PDE6B: variants seen among roughly 807,000 people sequenced by gnomAD.
The protein encoded by PDE6B is rod cGMP-specific 3',5'-cyclic phosphodiesterase subunit beta.
Under a neutral mutation model 109.0 loss-of-function variants are expected in PDE6B, and 106 were observed. The ratio of observed to expected loss-of-function variants is 0.97; its 90% confidence interval spans 0.83 to 1.14. PDE6B has a LOEUF of 1.14. Ranked by LOEUF, PDE6B falls within the 50% of genes most tolerant of loss-of-function variation. PDE6B has a pLI of 0.00. For synonymous variants in PDE6B, 490 were observed against 471.3 expected (o/e 1.04, Z -0.51); for missense variants, 1,193 against 1,155.6 (o/e 1.03, Z -0.47).
chr4:667,129 G>A (rs1034949946), intron 20 of PDE6B, among the ~76,000 whole-genome samples: 6 of 152,228 alleles, frequency 3.9e-5, no homozygotes, highest in Admixed American at 2.6e-4. Context: ...GACGCAAGGC[G>A]GACATGGAGG....
rs541164916 is a variant in PDE6B, at chr4:663,432, G to T, written c.1920+245G>T. Among the ~76,000 whole-genome samples, 1 of 152,188 alleles carries T rather than the reference G, an allele frequency of 6.6e-6. No individual in the cohort carries two copies. The highest frequency in any genetic ancestry group is 1.5e-5 in the Non-Finnish European group (1 of 68,028). ...CCCCTCATGGGGTGGGGTGGAAGCC[G>T]AAGGGGAAGCGGCCCGGGACCCACC... On this transcript the variant is annotated intron_variant, in intron 15 of 21. Transcript: ENST00000496514. This position sits in a 1 kb window ranked among gnomAD's most constrained non-coding sequence, Gnocchi z 4.0.
intron 9 of PDE6B, 101 bp from the exon 10 acceptor site, chr4:657,250 C>T: frequency 2.2e-6 from 3 of 1,376,420 alleles, no homozygotes; most frequent in Middle Eastern, 2.3e-4. Context: ...ATGGTGGCAG[C>T]CCCAGGACCT....
Position 634,782 on chromosome 4 carries a change from G to A in PDE6B, c.574G>A (p.Ala192Thr), listed in dbSNP as rs368548274. 48 of 1,613,840 alleles carry A rather than the reference G, an allele frequency of 3.0e-5. No individual in the cohort carries two copies. Among genetic ancestry groups the A allele is most frequent in the Non-Finnish European group, 3.8e-5 (45 of 1,179,854 alleles). Residue 192 changes from alanine (A) to threonine (T), a missense_variant, in exon 2 of 22, where the codon GCA (alanine) becomes ACA (threonine). Ala to Thr is a moderately conservative substitution (Grantham distance 58, BLOSUM62 0). Coordinates refer to ENST00000496514, the MANE Select transcript of PDE6B (RefSeq NM_000283.4). ...NGKDVVAVIM[A>T]VNKLNGPFFT... is the part of the protein sequence containing the mutation. ...CAAAGACGTCGTGGCGGTGATCATG[G>A]CAGTGAACAAGCTCAACGGCCCATT... is the stretch of plus-strand genomic sequence containing the variant.
At chr4:654,726 C>T (rs373668949) in intron 5 of PDE6B, 98 bp from the exon 6 acceptor site, 35 of 798,174 alleles carry the variant, frequency 4.4e-5, no homozygotes, top group Middle Eastern at 4.5e-4. Context: ...GGTGTGCATG[C>T]GTGTGGCTGT....
At chr4:669,900 C>T (rs1436459479) in intron 21 of PDE6B, 146 bp from the exon 22 acceptor site, 6 of 737,290 alleles carry the variant, frequency 8.1e-6, no homozygotes, top group Non-Finnish European at 1.5e-5. Context: ...AAGGCTCAGC[C>T]CAGCTAATCG....
At chr4:658,438 G>GAT in intron 10 of PDE6B, among the ~76,000 whole-genome samples, 1 of 151,176 alleles carries the variant, frequency 6.6e-6, no homozygotes, top group African/African-American at 2.4e-5. Flanking sequence ...AGGGGTCATG[G>GAT]CTGTGCGGTG....
intron 3 of PDE6B, chr4:653,285 G>A (rs1256889659): frequency 1.9e-6 from 2 of 1,027,346 alleles, no homozygotes; most frequent in South Asian, 3.7e-5. Flanking sequence ...CTTGACCAAG[G>A]AGGCAGAGAA....
At position 663,933 on chromosome 4, in the gene PDE6B, A is replaced by G. The variant is rs1407035215; in HGVS notation, c.2021+63A>G. 8 of 1,277,676 alleles carry G rather than the reference A, an allele frequency of 6.3e-6. No homozygotes were observed. Among genetic ancestry groups the G allele is most frequent in the Non-Finnish European group, 6.6e-6 (6 of 904,864 alleles). 79.1% of individuals were successfully genotyped at this position (1,277,676 alleles called of 1,614,324 possible). ...GCGGGTAGCCTGGGACCCCCGGCAG[A>G]CACGGGGGCGCAGCGGCGGCACAGC... On this transcript the variant is annotated intron_variant, in intron 16 of 21. Coordinates refer to ENST00000496514, the MANE Select transcript of PDE6B (RefSeq NM_000283.4). This position sits in a 1 kb window ranked among gnomAD's most constrained non-coding sequence, Gnocchi z 4.0.
chr4:650,838 C>A (rs974909975), intron 3 of PDE6B, among the ~76,000 whole-genome samples: 3 of 152,158 alleles, frequency 2.0e-5, no homozygotes, highest in African/African-American at 7.2e-5. Flanking sequence ...CCCGAGCCGG[C>A]AGCGAAAATC....
rs1455778996 is a variant in PDE6B, at chr4:666,191, C to T, written c.2269-340C>T. ...AGCCGAGTGTCTGGGCAGTGCAGCC[C>T]AGCCCGGCTCAGCACTGTGTACAGC... On this transcript the variant is annotated intron_variant, in intron 19 of 21. Transcript: ENST00000496514. The surrounding 1 kb of genome is among the most constrained non-coding windows in gnomAD (Gnocchi z 5.6). Among the ~76,000 whole-genome samples the T allele has an allele frequency of 6.6e-6, 1 of 152,180 alleles. No individual in the cohort carries two copies. The highest frequency in any genetic ancestry group is 1.9e-4 in the East Asian group (1 of 5,188).
chr4:664,332 C>CCGT (rs1014511308), intron 17 of PDE6B, 111 bp downstream of exon 17: 1 of 736,098 alleles, frequency 1.4e-6, no homozygotes, highest in African/African-American at 1.7e-5. Flanking sequence ...CAGGAAGAGC[C>CCGT]CGTCGCGGCA....
chr4:663,639 G>A lies in PDE6B; in HGVS notation c.1921-131G>A, dbSNP rs1342319427. ...GGCCCTGAGCAGCAGGCGGATTAGG[G>A]GTCCCGCCCACCGAGGGCCCGAGGG... is the stretch of plus-strand genomic sequence containing the variant. On this transcript the variant is annotated intron_variant, in intron 15 of 21. Coordinates refer to ENST00000496514, the MANE Select transcript of PDE6B (RefSeq NM_000283.4). This position sits in a 1 kb window ranked among gnomAD's most constrained non-coding sequence, Gnocchi z 4.0. 2 of 719,824 alleles carry A rather than the reference G, an allele frequency of 2.8e-6. No individual in the cohort carries two copies. Among genetic ancestry groups the A allele is most frequent in the East Asian group, 5.4e-5 (2 of 37,160 alleles). 44.6% of individuals were successfully genotyped at this position (719,824 alleles called of 1,614,324 possible).
chr4:632,207 G>A (rs769980381), intron 1 of PDE6B, among the ~76,000 whole-genome samples: 5 of 151,792 alleles, frequency 3.3e-5, no homozygotes, highest in African/African-American at 4.8e-5. Context: ...TGAGTGTCAC[G>A]TTATGTGAAT....
chr4:655,489 C>T (rs898125878), intron 6 of PDE6B: 13 of 318,206 alleles, frequency 4.1e-5, no homozygotes, highest in Non-Finnish European at 7.3e-5. Flanking sequence ...GGCACCAACG[C>T]TGAGTCCTAG....
intron 11 of PDE6B, among the ~76,000 whole-genome samples, chr4:660,148 G>A (rs1560129240): frequency 6.6e-6 from 1 of 152,188 alleles, no homozygotes; most frequent in Non-Finnish European, 1.5e-5. Flanking sequence ...TGTGTCACGT[G>A]TGTCTGTATC....
intron 3 of PDE6B, among the ~76,000 whole-genome samples, chr4:649,112 C>G (rs917954519): frequency 6.6e-6 from 1 of 152,208 alleles, no homozygotes; most frequent in Non-Finnish European, 1.5e-5. Context: ...CACAGCAGTC[C>G]GTCTGCCGTA....
intron 3 of PDE6B, among the ~76,000 whole-genome samples, chr4:650,734 T>C (rs1010153294): frequency 6.6e-6 from 1 of 151,736 alleles, no homozygotes; most frequent in African/African-American, 2.4e-5. Context: ...GGAGGCTGCG[T>C]AGATGCCGTT....
intron 3 of PDE6B, among the ~76,000 whole-genome samples, chr4:642,846 G>A (rs1228312232): frequency 6.6e-6 from 1 of 151,374 alleles, no homozygotes; most frequent in Admixed American, 6.6e-5. Flanking sequence ...TATTCAGAAT[G>A]AGTGTTGGAT....
At chr4:659,654 G>A (rs1380714366) in intron 11 of PDE6B, among the ~76,000 whole-genome samples, 3 of 151,664 alleles carry the variant, frequency 2.0e-5, no homozygotes, top group African/African-American at 7.3e-5. Flanking sequence ...GTGTGCACAT[G>A]TGTGCCCACG....
Sources: allele counts gnomAD v4.1 joint callset (sites outside exome capture counted in the v4.1 genomes callset), GRCh38; gene constraint gnomAD v4.1.1; non-coding constraint Gnocchi (gnomAD v3.1); transcripts MANE v1.5; gene names NCBI Gene and HGNC (gene_info 2026-07-23, HGNC 2026-07-21).